Variants in MTDH observed in about 807,000 individuals in gnomAD.
MTDH encodes metadherin.
Under a neutral mutation model 72.7 loss-of-function variants are expected in MTDH, and 34 were observed. The ratio of observed to expected loss-of-function variants is 0.47; its 90% CI spans 0.36 to 0.62. MTDH has a LOEUF of 0.62. Ranked by LOEUF, MTDH falls within the 20% of genes least tolerant of loss-of-function variation. The probability of loss-of-function intolerance (pLI) is 0.00; values close to 1 mark genes in which losing one functional copy is unlikely to be tolerated. For synonymous variants in MTDH, 266 were observed against 268.9 expected (o/e 0.99, Z 0.10); for missense variants, 677 against 699.4 (o/e 0.97, Z 0.36).
At chr8:97,678,594 CTTTT>C (rs35895126) in intron 2 of MTDH, among the ~76,000 whole-genome samples, 248 of 85,302 alleles carry the variant, frequency 2.9e-3, no homozygotes, top group African/African-American at 0.012. Context: ...TTCCTTCCTT[CTTTT>C]TTTTTTTTTT....
At chr8:97,692,176 C>T (rs1010993072) in intron 6 of MTDH, among the ~76,000 whole-genome samples, 14 of 151,674 alleles carry the variant, frequency 9.2e-5, no homozygotes, top group Non-Finnish European at 1.5e-5. Context: ...GCCATCGCAC[C>T]CGGCCTATAG....
At chr8:97,651,360 C>T (rs1811766167) in intron 1 of MTDH, among the ~76,000 whole-genome samples, 1 of 152,188 alleles carries the variant, frequency 6.6e-6, no homozygotes, top group Admixed American at 6.5e-5. Flanking sequence ...CCTTCTTATG[C>T]TTAGGAATGC....
chr8:97,658,346 A>G (rs1812057232), intron 1 of MTDH, among the ~76,000 whole-genome samples: 3 of 152,226 alleles, frequency 2.0e-5, no homozygotes, highest in Admixed American at 2.0e-4. Context: ...GAGCCTATGG[A>G]AATGGGAACT....
chr8:97,668,209 C>G (rs1812468132), intron 2 of MTDH, among the ~76,000 whole-genome samples: 2 of 152,068 alleles, frequency 1.3e-5, no homozygotes, highest in African/African-American at 2.4e-5. Flanking sequence ...ATGGCATGAA[C>G]CCGGGAGGCG....
At chr8:97,721,310 G>C (rs928152741) in intron 10 of MTDH, among the ~76,000 whole-genome samples, 1 of 152,076 alleles carries the variant, frequency 6.6e-6, no homozygotes, top group Non-Finnish European at 1.5e-5. Flanking sequence ...GGATGTGGTG[G>C]TGTGCACCTG....
At chr8:97,658,062 GC>G (rs1193624058) in intron 1 of MTDH, among the ~76,000 whole-genome samples, 1 of 152,128 alleles carries the variant, frequency 6.6e-6, no homozygotes, top group African/African-American at 2.4e-5. Flanking sequence ...CTTTTTTCCA[GC>G]AACCCAAGAA....
chr8:97,716,939 C>G (rs543793394), intron 9 of MTDH, among the ~76,000 whole-genome samples: 1 of 152,278 alleles, frequency 6.6e-6, no homozygotes, highest in South Asian at 2.1e-4. Context: ...CCTTGGCTCC[C>G]AAAGTGCTGG....
At chr8:97,666,225 C>G (rs1208069869) in intron 2 of MTDH, among the ~76,000 whole-genome samples, 1 of 152,018 alleles carries the variant, frequency 6.6e-6, no homozygotes, top group Non-Finnish European at 1.5e-5. Context: ...TTTGTCACCA[C>G]CAAGTTGTTA....
intron 2 of MTDH, among the ~76,000 whole-genome samples, chr8:97,684,974 G>A (rs1486646172): frequency 6.6e-6 from 1 of 152,198 alleles, no homozygotes; most frequent in Non-Finnish European, 1.5e-5. Flanking sequence ...GCTGAGGCCG[G>A]AGAATTGCTT....
chr8:97,708,149 C>T (rs1814441226), intron 8 of MTDH, among the ~76,000 whole-genome samples: 1 of 149,228 alleles, frequency 6.7e-6, no homozygotes, highest in African/African-American at 2.5e-5. Flanking sequence ...TGTACTTTTA[C>T]CATGTTGGTT....
At chr8:97,674,480 C>T (rs560704782) in intron 2 of MTDH, among the ~76,000 whole-genome samples, 2 of 152,238 alleles carry the variant, frequency 1.3e-5, no homozygotes, top group African/African-American at 4.8e-5. Context: ...TTGGATAATC[C>T]ATGCTTTCCC....
At chr8:97,678,017 A>G (rs776317416) in intron 2 of MTDH, among the ~76,000 whole-genome samples, 3 of 152,238 alleles carry the variant, frequency 2.0e-5, no homozygotes, top group African/African-American at 7.2e-5. Context: ...TTGATGCAGC[A>G]TAAAAATGTT....
At chr8:97,677,881 T>G (rs896310158) in intron 2 of MTDH, among the ~76,000 whole-genome samples, 3 of 152,228 alleles carry the variant, frequency 2.0e-5, no homozygotes, top group African/African-American at 7.2e-5. Context: ...GATGCATTTC[T>G]TGAGGGTTTC....
At chr8:97,684,170 T>C (rs1813265101) in intron 2 of MTDH, among the ~76,000 whole-genome samples, 1 of 151,630 alleles carries the variant, frequency 6.6e-6, no homozygotes, top group South Asian at 2.1e-4. Flanking sequence ...TAGTCCAAAT[T>C]GAGATTGCTG....
intron 1 of MTDH, among the ~76,000 whole-genome samples, chr8:97,657,420 GC>G (rs1812022625): frequency 1.3e-5 from 2 of 152,114 alleles, no homozygotes. Flanking sequence ...ACAATGAGAG[GC>G]CCATGTAATT....
chr8:97,714,619 GAT>G (rs1451570268), intron 9 of MTDH, among the ~76,000 whole-genome samples: 3 of 150,920 alleles, frequency 2.0e-5, no homozygotes, highest in Non-Finnish European at 4.4e-5. Context: ...AAAAAAAAAA[GAT>G]ATTTTAATTT....
chr8:97,712,111 C>T (rs1353305996), intron 8 of MTDH, among the ~76,000 whole-genome samples: 1 of 152,194 alleles, frequency 6.6e-6, no homozygotes, highest in Non-Finnish European at 1.5e-5. Context: ...GATCTCGGCT[C>T]ACTGCAACCT....
chr8:97,729,720 G>A lies in MTDH; in HGVS notation c.*5050G>A, dbSNP rs1237648967. On this transcript the variant is annotated 3_prime_UTR_variant, in exon 12 of 12. Transcript: ENST00000336273. Reference sequence around the variant, plus strand: ...TTGCCCAGGCTGGTCTCCAATTCCTGGGTTCAAGCAATCCTCCTGACTCAG... The same window carrying A: ...TTGCCCAGGCTGGTCTCCAATTCCTAGGTTCAAGCAATCCTCCTGACTCAG... 1.3e-5 allele frequency among the ~76,000 whole-genome samples: 2 copies of A among 152,072 alleles called. No individual in the cohort carries two copies. Among genetic ancestry groups the A allele is most frequent in the Admixed American group, 6.6e-5 (1 of 15,232 alleles).
rs1401769293 is a variant in MTDH, at chr8:97,689,143, A to G, written c.811+40A>G. On this transcript the variant is annotated intron_variant, in intron 5 of 11. Transcript: ENST00000336273. ...ATGTAACTTAAATTGAAGGCCCATC[A>G]AAATAGAAATTTATATACATACCTC... 3 of 1,213,918 alleles carry G rather than the reference A, an allele frequency of 2.5e-6. No individual in the cohort carries two copies. The East Asian group carries it at 7.1e-5, about 29-fold the overall frequency. 75.2% of individuals were successfully genotyped at this position (1,213,918 alleles called of 1,614,324 possible).
Sources: gnomAD v4.1 joint callset for allele counts (sites outside exome capture counted in the v4.1 genomes callset) on GRCh38, gnomAD v4.1.1 for gene constraint, MANE v1.5 for transcripts, NCBI Gene and HGNC (gene_info 2026-07-23, HGNC 2026-07-21) for gene names.